The following FNDC3B variants were observed in gnomAD, a reference collection of about 807,000 sequenced individuals.
The protein encoded by FNDC3B is fibronectin type III domain containing 3B.
FNDC3B carries 12 observed loss-of-function variants against 151.5 expected under a neutral mutation model. The ratio of observed to expected loss-of-function variants is 0.08; its 90% CI spans 0.05 to 0.13. FNDC3B has a LOEUF of 0.13. Ranked by LOEUF, FNDC3B falls within the 10% of genes least tolerant of loss-of-function variation. The pLI is 1.00. For missense variants in FNDC3B, 1,214 were observed against 1,505.3 expected (o/e 0.81, Z 3.20); for synonymous variants, 528 against 549.0 (o/e 0.96, Z 0.54).
At chr3:172,045,949 A>G (rs545111788) in intron 1 of FNDC3B, among the ~76,000 whole-genome samples, 9 of 152,260 alleles carry the variant, frequency 5.9e-5, no homozygotes, top group Admixed American at 5.9e-4. Flanking sequence ...GTAGTTGAGC[A>G]CTTTGCAAGG....
chr3:172,123,041 G>C (rs900847852), intron 2 of FNDC3B, among the ~76,000 whole-genome samples: 1 of 152,106 alleles, frequency 6.6e-6, no homozygotes, highest in African/African-American at 2.4e-5. Flanking sequence ...TTCAGGAAGG[G>C]TCATTAATAT....
chr3:172,289,845 T>A (rs1730230899), intron 7 of FNDC3B, among the ~76,000 whole-genome samples: 1 of 152,248 alleles, frequency 6.6e-6, no homozygotes, highest in Non-Finnish European at 1.5e-5. Context: ...CATTGGCTGT[T>A]ACCTGTCTTT....
At chr3:172,302,701 A>T (rs1009303514) in intron 9 of FNDC3B, 22 of 152,214 alleles carry the variant, frequency 1.4e-4, no homozygotes, top group Admixed American at 6.5e-4. Flanking sequence ...CCCTATTCTT[A>T]ACACAAATAA....
At chr3:172,263,620 G>A (rs1259852615) in intron 6 of FNDC3B, among the ~76,000 whole-genome samples, 1 of 113,568 alleles carries the variant, frequency 8.8e-6, no homozygotes, top group Non-Finnish European at 1.7e-5. Context: ...TTGACACACT[G>A]ACAGCATTCG....
At chr3:172,266,413 A>G (rs961707241) in intron 6 of FNDC3B, among the ~76,000 whole-genome samples, 1 of 152,154 alleles carries the variant, frequency 6.6e-6, no homozygotes, top group Non-Finnish European at 1.5e-5. Flanking sequence ...GGTTCACAGC[A>G]TTCTGCCACC....
chr3:172,308,593 G>A (rs2108246946), intron 10 of FNDC3B, among the ~76,000 whole-genome samples: 1 of 152,340 alleles, frequency 6.6e-6, no homozygotes, highest in South Asian at 2.1e-4. Context: ...TAGCAGCAAA[G>A]CATGGGCCTC....
intron 1 of FNDC3B, among the ~76,000 whole-genome samples, chr3:172,093,849 A>G (rs1718969070): frequency 1.3e-5 from 2 of 152,206 alleles, no homozygotes; most frequent in African/African-American, 4.8e-5. Flanking sequence ...CTCCCTTCAG[A>G]GATTCTGGTT....
chr3:172,147,899 A>G (rs1156864781), intron 3 of FNDC3B, among the ~76,000 whole-genome samples: 1 of 152,198 alleles, frequency 6.6e-6, no homozygotes. Context: ...AATTCCATCT[A>G]GATGCAGAAA....
At chr3:172,175,426 C>T (rs186619618) in intron 3 of FNDC3B, among the ~76,000 whole-genome samples, 11 of 152,212 alleles carry the variant, frequency 7.2e-5, no homozygotes, top group Admixed American at 5.2e-4. Flanking sequence ...AAAATGCTTA[C>T]ATATTCTTTT....
chr3:172,179,282 G>A (rs1298137554), intron 3 of FNDC3B, among the ~76,000 whole-genome samples: 1 of 151,990 alleles, frequency 6.6e-6, no homozygotes, highest in African/African-American at 2.4e-5. Context: ...GGCTGGTCTC[G>A]AACTCCTGAC....
At chr3:172,182,876 T>G (rs753595924) in intron 3 of FNDC3B, among the ~76,000 whole-genome samples, 175 of 152,232 alleles carry the variant, frequency 1.1e-3, no homozygotes, top group Non-Finnish European at 2.0e-3. Context: ...TAAAAGGAAC[T>G]CTGAGTGTAG....
chr3:172,079,278 T>A (rs985350803), intron 1 of FNDC3B, among the ~76,000 whole-genome samples: 1 of 152,070 alleles, frequency 6.6e-6, no homozygotes, highest in Non-Finnish European at 1.5e-5. Flanking sequence ...AAAAAATAAA[T>A]GTGTATTAAG....
intron 2 of FNDC3B, among the ~76,000 whole-genome samples, chr3:172,113,372 T>C (rs538720757): frequency 5.9e-5 from 9 of 152,228 alleles, no homozygotes; most frequent in African/African-American, 9.6e-5. Context: ...AATAAGTTAA[T>C]CATTTATTTG....
At chr3:172,159,834 C>T (rs1431333162) in intron 3 of FNDC3B, among the ~76,000 whole-genome samples, 1 of 152,224 alleles carries the variant, frequency 6.6e-6, no homozygotes, top group Non-Finnish European at 1.5e-5. Flanking sequence ...GAAATCTCAT[C>T]TGCTGTACTG....
intron 3 of FNDC3B, among the ~76,000 whole-genome samples, chr3:172,217,760 T>C (rs1236898057): frequency 6.6e-6 from 1 of 152,164 alleles, no homozygotes; most frequent in Non-Finnish European, 1.5e-5. Context: ...GCTTGTCTTA[T>C]GTGAGAATTA....
intron 6 of FNDC3B, among the ~76,000 whole-genome samples, chr3:172,261,552 C>T (rs1262986024): frequency 1.3e-5 from 2 of 152,174 alleles, no homozygotes; most frequent in African/African-American, 2.4e-5. Context: ...CTCAACCAGA[C>T]ACACAGTGTA....
chr3:172,039,794 A>C (rs954794012), intron 1 of FNDC3B, 23 bp downstream of exon 1: 3 of 153,022 alleles, frequency 2.0e-5, no homozygotes, highest in Admixed American at 6.5e-5. Context: ...AGAGCCGGGG[A>C]CTAGAGGAGA....
intron 11 of FNDC3B, among the ~76,000 whole-genome samples, chr3:172,313,633 C>T (rs145889400): frequency 2.6e-5 from 4 of 152,304 alleles, no homozygotes; most frequent in East Asian, 3.9e-4. Flanking sequence ...AAAAAGCAAA[C>T]GTACGCCTAT....
rs1364978309 is a variant in FNDC3B, at chr3:172,168,773, C to T, written c.187+35227C>T. ...TGCCACTCAGGCTGGAGTGCAGTGG[C>T]GCGATCTCGGCTCACTGCAACCTCC... On this transcript the variant is annotated intron_variant, in intron 3 of 25. Transcript: ENST00000415807. 6.2e-5 allele frequency among the ~76,000 whole-genome samples: 9 copies of T among 144,452 alleles called. No individual in the cohort carries two copies. The East Asian group carries it at 7.9e-4, about 13-fold the overall frequency. 94.8% of individuals were successfully genotyped at this position (144,452 alleles called of 152,430 possible).
Sources: allele counts gnomAD v4.1 joint callset (sites outside exome capture counted in the v4.1 genomes callset), GRCh38; gene constraint gnomAD v4.1.1; transcripts MANE v1.5; gene names NCBI Gene and HGNC (gene_info 2026-07-23, HGNC 2026-07-21).